The following FAM20C variants were observed in gnomAD, a reference collection of about 807,000 sequenced individuals.
The protein encoded by FAM20C is FAM20C golgi associated secretory pathway kinase, also known as extracellular serine/threonine protein kinase FAM20C.
Under a neutral mutation model 51.5 loss-of-function variants are expected in FAM20C, and 40 were observed. The observed-to-expected ratio is 0.78, with a 90% CI of 0.60 to 1.01. FAM20C has a LOEUF of 1.01. FAM20C is among the 50% of genes least tolerant of loss of function. The pLI is 0.00. For synonymous variants in FAM20C, 406 were observed against 380.6 expected (o/e 1.07, Z -0.78); for missense variants, 861 against 844.7 (o/e 1.02, Z -0.24).
intron 1 of FAM20C, among the ~76,000 whole-genome samples, chr7:194,602 G>C (rs1785758979): frequency 6.6e-6 from 1 of 152,204 alleles, no homozygotes; most frequent in Non-Finnish European, 1.5e-5. Flanking sequence ...TCCAGGCCCA[G>C]TGTCTTCTGT....
chr7:249,226 C>T (rs141322595), intron 5 of FAM20C, among the ~76,000 whole-genome samples: 31,431 of 151,330 alleles, frequency 0.21, 3,728 homozygotes, highest in East Asian at 0.31. Flanking sequence ...GGGTGGGCGG[C>T]CTCCCCCGCC....
rs767072473 is a variant in FAM20C, at chr7:246,405, G to A, written c.864-10G>A. ...GACAAACCGTTTCTGTTTCTGTCTT[G>A]TTTTCTCAGACAAACGAGGGAGCAG... On this transcript the variant is annotated splice_polypyrimidine_tract_variant and intron_variant, in intron 3 of 9. Coordinates refer to ENST00000313766, the MANE Select transcript of FAM20C (RefSeq NM_020223.4). The A allele has an allele frequency of 7.2e-7, 1 of 1,393,372 alleles. No homozygotes were observed. The highest frequency in any genetic ancestry group is 1.2e-5 in the South Asian group (1 of 81,408). The allele number at this position is 1,393,372 out of a possible 1,614,324, so 86.3% of individuals were successfully genotyped here.
At chr7:223,358 C>G (rs1199094280) in intron 3 of FAM20C, among the ~76,000 whole-genome samples, 1 of 152,164 alleles carries the variant, frequency 6.6e-6, no homozygotes, top group Non-Finnish European at 1.5e-5. Context: ...GCAGCACTAG[C>G]CACATAGCAG....
rs980081713 is a variant in FAM20C at position 260,210 on chromosome 7, C to T, written c.*230C>T. ...CGCTGTCTGTGCTCACGGACAGAGG[C>T]GGCCGGCGCCGGAGGCATTCCATCC... On this transcript the variant is annotated 3_prime_UTR_variant, in exon 10 of 10. Coordinates refer to ENST00000313766, the MANE Select transcript of FAM20C (RefSeq NM_020223.4). 2.9e-5 allele frequency: 15 copies of T among 509,268 alleles called. No individual in the cohort carries two copies. The highest frequency in any genetic ancestry group is 9.8e-5 in the East Asian group (3 of 30,520). The allele number at this position is 509,268 out of a possible 1,614,324, so 31.5% of individuals were successfully genotyped here. A position where few individuals can be genotyped will look rare whatever the true frequency, so the allele number is the denominator to read the frequency against.
chr7:198,225 G>A (rs1423675575), intron 2 of FAM20C, among the ~76,000 whole-genome samples: 2 of 152,190 alleles, frequency 1.3e-5, no homozygotes, highest in Admixed American at 6.5e-5. Context: ...AGACACAGCC[G>A]CATCACCCAG....
At position 204,529 on chromosome 7, in the gene FAM20C, T is replaced by C. The variant is rs550953765; in HGVS notation, c.785-4369T>C. ...TGGGCACGTGACCCGGGGTGTGAGC[T>C]GTGAGCTCAGGGGCAGCAAGAGCCA... On this transcript the variant is annotated intron_variant, in intron 2 of 9. Transcript: ENST00000313766. 4.6e-5 allele frequency among the ~76,000 whole-genome samples: 7 copies of C among 152,292 alleles called. No individual in the cohort carries two copies. In the South Asian group the frequency reaches 1.5e-3, roughly 32 times the overall value.
chr7:202,014 A>G (rs1257933506), intron 2 of FAM20C, among the ~76,000 whole-genome samples: 1 of 152,240 alleles, frequency 6.6e-6, no homozygotes, highest in Non-Finnish European at 1.5e-5. Flanking sequence ...ATACTGACGG[A>G]TATCCGGGCG....
At chr7:252,367 A>G (rs1402791490) in intron 5 of FAM20C, among the ~76,000 whole-genome samples, 1 of 146,532 alleles carries the variant, frequency 6.8e-6, no homozygotes, top group Non-Finnish European at 1.5e-5. Flanking sequence ...CAGAGGGCTG[A>G]GCCCACTGTA....
At chr7:228,811 C>A in intron 3 of FAM20C, 2 of 456,186 alleles carry the variant, frequency 4.4e-6, no homozygotes, top group South Asian at 3.1e-5. Context: ...GAGTGGGGTC[C>A]CGGGCAGCCT....
At chr7:259,600 G>GTGTCTCTCTT in intron 9 of FAM20C, 131 bp from the exon 10 acceptor site, 2 of 799,048 alleles carry the variant, frequency 2.5e-6, no homozygotes, top group African/African-American at 6.7e-5. Context: ...TTTTCTCTCT[G>GTGTCTCTCTT]TCTCTGTCCC....
At chr7:258,526 T>C (rs945880407) in intron 8 of FAM20C, 120 bp from the exon 9 acceptor site, 1 of 976,364 alleles carries the variant, frequency 1.0e-6, no homozygotes, top group Non-Finnish European at 1.6e-6. Context: ...ATGGGCTGGG[T>C]GGACCCACTG....
intron 5 of FAM20C, among the ~76,000 whole-genome samples, chr7:252,849 G>A (rs144400230): frequency 2.2e-3 from 337 of 152,308 alleles, no homozygotes; most frequent in African/African-American, 7.9e-3. Flanking sequence ...AGCCCCAAAC[G>A]CTCACAGAAC....
chr7:251,203 C>T (rs571919123), intron 5 of FAM20C, among the ~76,000 whole-genome samples: 72 of 147,344 alleles, frequency 4.9e-4, no homozygotes, highest in African/African-American at 1.6e-3. Flanking sequence ...CGGCGGCTCA[C>T]GGCTGCACTG....
chr7:242,037 G>A (rs1168400834), intron 3 of FAM20C, among the ~76,000 whole-genome samples: 3 of 152,186 alleles, frequency 2.0e-5, no homozygotes, highest in Admixed American at 2.0e-4. Context: ...GCCTGGGCCA[G>A]CCCCTCCCTG....
chr7:231,545 G>A (rs1787686659), intron 3 of FAM20C, among the ~76,000 whole-genome samples: 1 of 152,100 alleles, frequency 6.6e-6, no homozygotes, highest in Non-Finnish European at 1.5e-5. Context: ...CTCCGTGGGA[G>A]GAGGGTTCTG....
intron 2 of FAM20C, among the ~76,000 whole-genome samples, chr7:207,738 A>C (rs1373989442): frequency 2.6e-5 from 4 of 152,010 alleles, no homozygotes; most frequent in Non-Finnish European, 5.9e-5. Flanking sequence ...GCCCGGACCT[A>C]CCGGTCCACA....
chr7:246,894 G>C (rs974267341), intron 4 of FAM20C, among the ~76,000 whole-genome samples: 1 of 152,176 alleles, frequency 6.6e-6, no homozygotes, highest in Non-Finnish European at 1.5e-5. Context: ...CTCTGTCACC[G>C]AGGGAGAGGG....
At chr7:256,179 T>A in intron 6 of FAM20C, 150 bp downstream of exon 6, 3 of 1,019,586 alleles carry the variant, frequency 2.9e-6, no homozygotes, top group Non-Finnish European at 4.2e-6. Context: ...GATGACCGCT[T>A]CCTGATGAGA....
At position 253,708 on chromosome 7, in the gene FAM20C, A is replaced by C. The variant is rs147397448; in HGVS notation, c.1073-2141A>C. On this transcript the variant is annotated intron_variant, in intron 5 of 9. Coordinates refer to ENST00000313766, the MANE Select transcript of FAM20C (RefSeq NM_020223.4). ...CAGGGAGGCACTTGCCTGAGGTCAC[A>C]CAGCTCCAAGCCCTCCTAACCCCGC... Among the ~76,000 whole-genome samples the C allele has an allele frequency of 5.9e-3, 800 of 136,492 alleles. 13 individuals carry two copies. The highest frequency in any genetic ancestry group is 0.045 in the East Asian group (232 of 5,136). 89.5% of individuals were successfully genotyped at this position (136,492 alleles called of 152,430 possible).
Sources: gnomAD v4.1 joint callset for allele counts (sites outside exome capture counted in the v4.1 genomes callset) on GRCh38, gnomAD v4.1.1 for gene constraint, MANE v1.5 for transcripts, NCBI Gene and HGNC (gene_info 2026-07-23, HGNC 2026-07-21) for gene names.